The following TUBGCP3 variants were observed in gnomAD, a reference collection of about 807,000 sequenced individuals.
TUBGCP3 encodes tubulin gamma complex component 3, also known as gamma-tubulin complex component 3.
A neutral mutation model predicts 123.1 loss-of-function variants in TUBGCP3; 50 were observed. The observed-to-expected ratio is 0.41, with a 90% CI of 0.32 to 0.51. The LOEUF (loss-of-function observed/expected upper bound fraction) is 0.51, where lower values mean the gene tolerates loss of function less well. Among genes scored for constraint, TUBGCP3 ranks in the 20% least tolerant of loss-of-function variants. TUBGCP3 has a pLI of 0.36. For synonymous variants in TUBGCP3, 405 were observed against 413.9 expected (o/e 0.98, Z 0.26); for missense variants, 882 against 1,127.0 (o/e 0.78, Z 3.11).
At chr13:112,499,239 A>G in intron 19 of TUBGCP3, 54 bp from the exon 20 acceptor site, 1 of 1,539,568 alleles carries the variant, frequency 6.5e-7, no homozygotes, top group East Asian at 2.3e-5. Context: ...TAAGTTTCTT[A>G]AACAAAACAT....
Position 112,543,372 on chromosome 13 carries a change from C to T in TUBGCP3, c.1335+2327G>A, listed in dbSNP as rs12873460. On this transcript the variant is annotated intron_variant, in intron 11 of 21. Transcript: ENST00000261965. ...TTTTTATTTTAAAAGAAAGTTCATA[C>T]AACAAAAGGAACATAAGAAGCCTGA... 4.7e-3 allele frequency among the ~76,000 whole-genome samples: 711 copies of T among 152,232 alleles called. 3 individuals carry two copies. Among genetic ancestry groups the T allele is most frequent in the Non-Finnish European group, 7.2e-3 (489 of 68,016 alleles).
intron 11 of TUBGCP3, among the ~76,000 whole-genome samples, chr13:112,528,134 C>T (rs1217004716): frequency 6.6e-6 from 1 of 152,232 alleles, no homozygotes; most frequent in Non-Finnish European, 1.5e-5. Flanking sequence ...ACATCACTGC[C>T]GTTAGAAAGG....
chr13:112,587,816 C>A, intron 1 of TUBGCP3, 89 bp downstream of exon 1: 1 of 1,216,014 alleles, frequency 8.2e-7, no homozygotes, highest in Non-Finnish European at 1.1e-6. Context: ...CATCCTCGTT[C>A]CTCCAGCCCC....
chr13:112,519,648 C>T lies in TUBGCP3; in HGVS notation c.1881+238G>A, dbSNP rs113200189. 6.6e-6 allele frequency among the ~76,000 whole-genome samples: 1 copy of T among 152,210 alleles called. No individual in the cohort carries two copies. The highest frequency in any genetic ancestry group is 2.4e-5 in the African/African-American group (1 of 41,442). On this transcript the variant is annotated intron_variant, in intron 15 of 21. Transcript: ENST00000261965. This position sits in a 1 kb window ranked among gnomAD's most constrained non-coding sequence, Gnocchi z 6.2. ...TTTTCTCCAGCTTAAGCCTAGCAGC[C>T]CTGCAAGGCTCCCCGCTGCAAGATG... is the stretch of plus-strand genomic sequence containing the variant.
chr13:112,492,801 G>A (rs1455508338), intron 20 of TUBGCP3, among the ~76,000 whole-genome samples: 6 of 151,762 alleles, frequency 4.0e-5, no homozygotes, highest in African/African-American at 1.5e-4. Context: ...ACATGGCCTG[G>A]TGTGCCTGAG....
intron 2 of TUBGCP3, among the ~76,000 whole-genome samples, chr13:112,566,270 C>T (rs1048763157): frequency 6.6e-6 from 1 of 152,226 alleles, no homozygotes; most frequent in Non-Finnish European, 1.5e-5. Flanking sequence ...GTCACACCCA[C>T]TAGAAAGGTG....
At chr13:112,565,016 TTAATA>T (rs1279409814) in intron 3 of TUBGCP3, 90 bp downstream of exon 3, 1 of 1,115,424 alleles carries the variant, frequency 9.0e-7, no homozygotes, top group Non-Finnish European at 1.3e-6. Flanking sequence ...ATAGAAAAGT[TTAATA>T]TGATACCACA....
chr13:112,498,838 T>C, intron 20 of TUBGCP3: 1 of 1,585,854 alleles, frequency 6.3e-7, no homozygotes, highest in Non-Finnish European at 8.6e-7. Context: ...TTATTTATTT[T>C]GTGAAACAGG....
At chr13:112,544,314 T>C (rs557212516) in intron 11 of TUBGCP3, among the ~76,000 whole-genome samples, 8 of 152,046 alleles carry the variant, frequency 5.3e-5, no homozygotes, top group East Asian at 3.9e-4. Context: ...TAGCCAGGCA[T>C]GGTGGCGGGC....
At chr13:112,575,649 C>A (rs143396740) in intron 1 of TUBGCP3, among the ~76,000 whole-genome samples, 1 of 152,240 alleles carries the variant, frequency 6.6e-6, no homozygotes, top group Non-Finnish European at 1.5e-5. Context: ...ACAACACACG[C>A]TCTTTTCAAA....
chr13:112,579,816 C>T (rs1323246072), intron 1 of TUBGCP3, among the ~76,000 whole-genome samples: 1 of 152,232 alleles, frequency 6.6e-6, no homozygotes, highest in Non-Finnish European at 1.5e-5. Flanking sequence ...TGCCCTGAGG[C>T]CCAACAACCC....
chr13:112,503,660 G>A lies in TUBGCP3; in HGVS notation c.2307+372C>T, dbSNP rs189855286. 4.4e-3 allele frequency among the ~76,000 whole-genome samples: 663 copies of A among 152,236 alleles called. 2 individuals are homozygous for A. The highest frequency in any genetic ancestry group is 5.9e-3 in the Non-Finnish European group (401 of 68,010). ...TGGGATTACAAGCATGAGCCACTGCGCCCGGCCTGTTTTGTTCTTATATCG... is the reference window on the plus strand; with the variant it reads ...TGGGATTACAAGCATGAGCCACTGCACCCGGCCTGTTTTGTTCTTATATCG... On this transcript the variant is annotated intron_variant, in intron 19 of 21. Transcript: ENST00000261965.
At chr13:112,572,178 C>T (rs1230642403) in intron 1 of TUBGCP3, among the ~76,000 whole-genome samples, 3 of 152,230 alleles carry the variant, frequency 2.0e-5, no homozygotes, top group Non-Finnish European at 2.9e-5. Context: ...GGCATGCCTT[C>T]CTCACCAAGC....
intron 10 of TUBGCP3, 116 bp downstream of exon 10, chr13:112,547,504 G>A (rs112150684): frequency 4.1e-5 from 54 of 1,331,490 alleles, no homozygotes; most frequent in African/African-American, 2.5e-4. Context: ...AGTGCCAGAC[G>A]CGCGTGGGAA....
chr13:112,557,423 A>G lies in TUBGCP3; in HGVS notation c.548+773T>C, dbSNP rs149833492. On this transcript the variant is annotated intron_variant, in intron 5 of 21. Transcript: ENST00000261965. Reference sequence around the variant, plus strand: ...AATGATTTATAATTCTATTACACTCACATGGAAAACACCATTTATTTGATG... The same window carrying G: ...AATGATTTATAATTCTATTACACTCGCATGGAAAACACCATTTATTTGATG... 4.2e-3 allele frequency among the ~76,000 whole-genome samples: 645 copies of G among 152,342 alleles called. 4 individuals are homozygous for G. Among genetic ancestry groups the G allele is most frequent in the African/African-American group, 0.015 (616 of 41,584 alleles).
chr13:112,507,810 G>A (rs551978551), intron 17 of TUBGCP3, among the ~76,000 whole-genome samples: 8 of 151,952 alleles, frequency 5.3e-5, no homozygotes, highest in East Asian at 1.9e-4. Context: ...TTTTTTCTCC[G>A]GCTTCAAATC....
chr13:112,592,436 G>T (rs1368366197), upstream of TUBGCP3, among the ~76,000 whole-genome samples: 1 of 152,158 alleles, frequency 6.6e-6, no homozygotes, highest in Non-Finnish European at 1.5e-5. This position sits in a 1 kb window ranked among gnomAD's most constrained non-coding sequence, Gnocchi z 4.1. Flanking sequence ...CTCACTGAGA[G>T]TGCCAGCCCC....
intron 5 of TUBGCP3, 35 bp downstream of exon 5, chr13:112,558,161 A>G (rs1286044547): frequency 1.3e-6 from 2 of 1,577,278 alleles, no homozygotes; most frequent in African/African-American, 2.7e-5. Flanking sequence ...TGTTTCTAAC[A>G]CATAGAGAAT....
chr13:112,583,579 T>A (rs1409636096), intron 1 of TUBGCP3, among the ~76,000 whole-genome samples: 2 of 152,228 alleles, frequency 1.3e-5, no homozygotes, highest in Non-Finnish European at 2.9e-5. Context: ...AGATTCTATA[T>A]ACACTCAGGT....
Sources: gnomAD v4.1 joint callset for allele counts (sites outside exome capture counted in the v4.1 genomes callset) on GRCh38, gnomAD v4.1.1 for gene constraint, Gnocchi (gnomAD v3.1) non-coding constraint, MANE v1.5 for transcripts, NCBI Gene and HGNC (gene_info 2026-07-23, HGNC 2026-07-21) for gene names.